ERI2: variants seen among roughly 807,000 people sequenced by gnomAD.
ERI2 encodes the protein ERI1 exoribonuclease family member 2.
A neutral mutation model predicts 46.8 loss-of-function variants in ERI2; 35 were observed. That is an observed-to-expected ratio of 0.75 (90% confidence interval 0.57 to 0.99). The LOEUF (loss-of-function observed/expected upper bound fraction) is 0.99. Ranked by LOEUF, ERI2 falls within the 50% of genes least tolerant of loss-of-function variation. The probability of loss-of-function intolerance (pLI) is 0.00; values close to 1 mark genes in which losing one functional copy is unlikely to be tolerated. For synonymous variants in ERI2, 224 were observed against 271.0 expected, an observed-to-expected ratio of 0.83 and a Z score of 1.70; for missense variants, 695 against 796.2, an observed-to-expected ratio of 0.87 and a Z score of 1.53.
chr16:20,789,936 A>G (rs1269166208), intron 9 of ERI2, among the ~76,000 whole-genome samples: 1 of 151,810 alleles, frequency 6.6e-6, no homozygotes. Context: ...GGCCTCCCAA[A>G]GTGCTAGGAT....
At chr16:20,786,236 ACTTT>A (rs2152477314) in intron 10 of ERI2, 3 of 1,515,580 alleles carry the variant, frequency 2.0e-6, no homozygotes, top group Non-Finnish European at 2.7e-6. Flanking sequence ...CCCCATATAA[ACTTT>A]CTTTGTTATG....
rs757746338 is a variant in ERI2, at chr16:20,800,052, A to T, written c.562-14T>A. 1 of 1,481,326 alleles carries T rather than the reference A, an allele frequency of 6.8e-7. No homozygotes were observed. The highest frequency in any genetic ancestry group is 1.9e-5 in the Admixed American group (1 of 53,380). 91.8% of individuals were successfully genotyped at this position (1,481,326 alleles called of 1,614,324 possible). A position where few individuals can be genotyped will look rare whatever the true frequency, so the allele number is the denominator to read the frequency against. ...CCTATAGAAAAGCTAACCAATAAAA[A>T]AAGATATATTTAAAAGAAGATTACT... On this transcript the variant is annotated splice_polypyrimidine_tract_variant and intron_variant, in intron 6 of 8. Coordinates refer to ENST00000357967, the MANE Select transcript of ERI2 (RefSeq NM_001142725.2).
At chr16:20,781,185 G>A in intron 10 of ERI2, 1 of 1,589,460 alleles carries the variant, frequency 6.3e-7, no homozygotes, top group Middle Eastern at 1.7e-4. Context: ...CAGTATGGCT[G>A]ACAGAACTGG....
At chr16:20,792,678 CA>C, downstream of ERI2, 1 of 985,352 alleles carries the variant, frequency 1.0e-6, no homozygotes, top group Non-Finnish European at 1.2e-6. Flanking sequence ...AATTGTTACC[CA>C]GAAGGTCTGG....
Position 20,800,353 on chromosome 16 carries a change from CA to C in ERI2, c.509del (p.Leu170ArgfsTer2), listed in dbSNP as rs778285683. On this transcript the variant is annotated frameshift_variant, in exon 6 of 9. Transcript: ENST00000357967. LOFTEE classifies it high-confidence loss of function. Reference sequence around the variant, plus strand: ...AAGAATTTAAAAACACAGGTTTTAACAGCTGCTTTCTTTTACACTCATACTC... The same window carrying C: ...AAGAATTTAAAAACACAGGTTTTAACGCTGCTTTCTTTTACACTCATACTC... ...CLEYECKRKQ[L>X]LKPVFLNSWI... is the part of the protein sequence containing the mutation. The C allele has an allele frequency of 5.6e-6, 9 of 1,610,536 alleles. No homozygotes were observed. The Admixed American group carries it at 1.2e-4, about 21-fold the overall frequency.
chr16:20,803,469 A>G lies in ERI2; in HGVS notation c.139T>C (p.Trp47Arg). ...LIVIDFESTC[W>R]NDGKHHHSQE... The stretch of plus-strand genomic sequence containing the variant: ...CTATGGTGGTGCTTCCCATCATTCC[A>G]GCATGTCGATTCAAAATCAATGACA... Residue 47 changes from tryptophan (W) to arginine (R), a missense_variant, in exon 3 of 9, where the codon TGG becomes CGG. Physicochemically the swap from Trp to Arg is moderately radical, Grantham distance 101 (BLOSUM62 -3). Transcript: ENST00000357967. 3.1e-6 allele frequency: 5 copies of G among 1,614,080 alleles called. No homozygotes were observed. The highest frequency in any genetic ancestry group is 3.4e-6 in the Non-Finnish European group (4 of 1,179,936).
rs143931818 is a variant in ERI2 at position 20,799,685 on chromosome 16, T to C, written c.643+272A>G. 372 of 469,028 alleles carry C rather than the reference T, an allele frequency of 7.9e-4. 1 individual carries two copies. Among genetic ancestry groups the C allele is most frequent in the African/African-American group, 6.8e-3 (344 of 50,340 alleles). 29.1% of individuals were successfully genotyped at this position (469,028 alleles called of 1,614,324 possible). On this transcript the variant is annotated intron_variant, in intron 7 of 8. Coordinates refer to ENST00000357967, the MANE Select transcript of ERI2 (RefSeq NM_001142725.2). The stretch of plus-strand genomic sequence containing the variant: ...TCAGTTTTTTCACTAGTCCATTCTA[T>C]TATTTGAGCACTTGTTTAATCTCCA...
intron 1 of ERI2, chr16:20,806,123 A>G: frequency 4.5e-6 from 6 of 1,332,064 alleles, no homozygotes; most frequent in Non-Finnish European, 5.7e-6. Flanking sequence ...GTCGTTTCCC[A>G]AGGCCTAAAA....
chr16:20,792,139 T>C (rs1210885502), downstream of ERI2: 3 of 1,614,016 alleles, frequency 1.9e-6, no homozygotes, highest in Admixed American at 5.0e-5. Context: ...GGTAACTTTC[T>C]TTTCCATATG....
chr16:20,782,179 G>T (rs1567355227), intron 10 of ERI2, among the ~76,000 whole-genome samples: 2 of 152,098 alleles, frequency 1.3e-5, no homozygotes, highest in African/African-American at 2.4e-5. Context: ...ATTTGAAAGG[G>T]TTCATTGGTA....
intron 7 of ERI2, 45 bp from the exon 8 acceptor site, chr16:20,799,396 T>A (rs745363864): frequency 3.1e-5 from 48 of 1,559,692 alleles, no homozygotes; most frequent in Non-Finnish European, 4.1e-5. Flanking sequence ...GTACTAGTAC[T>A]ATTTCCTTAG....
chr16:20,787,180 AT>A (rs1212449314), intron 10 of ERI2, among the ~76,000 whole-genome samples: 2 of 152,252 alleles, frequency 1.3e-5, no homozygotes, highest in Non-Finnish European at 2.9e-5. Context: ...TGATAGGGTT[AT>A]GTCCCAAAAT....
At chr16:20,805,180 C>T (rs1481195802) in intron 1 of ERI2, among the ~76,000 whole-genome samples, 2 of 152,138 alleles carry the variant, frequency 1.3e-5, no homozygotes, top group African/African-American at 4.8e-5. Flanking sequence ...AACCCCAGCA[C>T]TTTGGGAGGT....
Position 20,780,611 on chromosome 16 carries a change from A to T in ERI2, c.*31T>A, listed in dbSNP as rs1324103737. On this transcript the variant is annotated 3_prime_UTR_variant, in exon 11 of 11. Transcript: ENST00000300005. Reference sequence around the variant, plus strand: ...AAGCTAAGCCACTGGCACCTGATTCATGACATGAAGAGGTTCAAGTGGAGA... The same window carrying T: ...AAGCTAAGCCACTGGCACCTGATTCTTGACATGAAGAGGTTCAAGTGGAGA... The T allele has an allele frequency of 3.1e-6, 5 of 1,607,146 alleles. No homozygotes were observed. In the Admixed American group the frequency reaches 5.0e-5, roughly 16 times the overall value.
chr16:20,801,540 T>A (rs967051589), intron 4 of ERI2, among the ~76,000 whole-genome samples, 181 bp from the exon 5 acceptor site: 1 of 152,038 alleles, frequency 6.6e-6, no homozygotes, highest in Non-Finnish European at 1.5e-5. Flanking sequence ...GTTTATTTAG[T>A]GGAAAGAGGT....
intron 10 of ERI2, chr16:20,784,842 G>A: frequency 4.0e-6 from 3 of 758,136 alleles, no homozygotes; most frequent in Non-Finnish European, 6.0e-6. Context: ...TGTTTATGGG[G>A]TAAAATGGTT....
At chr16:20,784,993 T>G (rs779951052) in intron 10 of ERI2, 2 of 1,612,056 alleles carry the variant, frequency 1.2e-6, no homozygotes, top group South Asian at 2.2e-5. Flanking sequence ...GCTATAAGTT[T>G]AAAAGCTTAA....
At position 20,797,383 on chromosome 16, in the gene ERI2, T is replaced by A. The variant is rs1596547253; in HGVS notation, c.*341A>T. 1.0e-6 allele frequency: 1 copy of A among 985,872 alleles called. No individual in the cohort carries two copies. Among genetic ancestry groups the A allele is most frequent in the East Asian group, 9.7e-5 (1 of 10,316 alleles). The allele number at this position is 985,872 out of a possible 1,614,324, so 61.1% of individuals were successfully genotyped here. A position where few individuals can be genotyped will look rare whatever the true frequency, so the allele number is the denominator to read the frequency against. ...ACTTATAAAAGTTTTTAGAAAAATA[T>A]AAAATATCAGTTAGAAGATTATGAT... On this transcript the variant is annotated 3_prime_UTR_variant, in exon 9 of 9. Coordinates refer to ENST00000357967, the MANE Select transcript of ERI2 (RefSeq NM_001142725.2).
chr16:20,805,170 A>G (rs1279273007), intron 1 of ERI2, among the ~76,000 whole-genome samples: 1 of 152,214 alleles, frequency 6.6e-6, no homozygotes, highest in East Asian at 1.9e-4. Flanking sequence ...TCACACCTGT[A>G]ACCCCAGCAC....
Sources: allele counts gnomAD v4.1 joint callset (sites outside exome capture counted in the v4.1 genomes callset), GRCh38; gene constraint gnomAD v4.1.1; transcripts MANE v1.5; gene names NCBI Gene and HGNC (gene_info 2026-07-23, HGNC 2026-07-21).